The following NREP variants were observed in gnomAD, a reference collection of about 807,000 sequenced individuals.
NREP encodes the protein neuronal regeneration related protein.
A neutral mutation model predicts 8.6 loss-of-function variants in NREP; 5 were observed. The ratio of observed to expected loss-of-function variants is 0.58; its 90% CI spans 0.30 to 1.22. The LOEUF is 1.22. Ranked by LOEUF, NREP falls within the 50% of genes most tolerant of loss-of-function variation. NREP has a pLI of 0.07. For missense variants in NREP, 86 were observed against 82.5 expected, an observed-to-expected ratio of 1.04 and a Z score of -0.17; for synonymous variants, 27 against 28.0, an observed-to-expected ratio of 0.96 and a Z score of 0.11.
At chr5:111,937,258 AACACCCTAGAGTCCAGGGGTC>A (rs1447193177) in intron 2 of NREP, among the ~76,000 whole-genome samples, 1 of 152,130 alleles carries the variant, frequency 6.6e-6, no homozygotes, top group Non-Finnish European at 1.5e-5. Flanking sequence ...AGATAAGTGT[AACACCCTAGAGTCCAGGGGTC>A]ATAACTGTCT....
At chr5:111,798,077 T>C (rs1256400597) in intron 2 of NREP, among the ~76,000 whole-genome samples, 2 of 152,220 alleles carry the variant, frequency 1.3e-5, no homozygotes, top group Admixed American at 6.5e-5. Context: ...GTTTTTTCCC[T>C]AAATTTAATG....
chr5:111,856,325 A>AC (rs1245504441), intron 2 of NREP, among the ~76,000 whole-genome samples: 1 of 152,184 alleles, frequency 6.6e-6, no homozygotes. Flanking sequence ...CCTCTAAAGG[A>AC]CCCAATGTGT....
chr5:111,819,157 A>T (rs1163968878), intron 2 of NREP, among the ~76,000 whole-genome samples: 2 of 152,138 alleles, frequency 1.3e-5, no homozygotes, highest in Non-Finnish European at 2.9e-5. Flanking sequence ...TCAGTAGTTC[A>T]TATCTGTTCC....
chr5:111,816,216 G>C (rs1407505733), intron 2 of NREP, among the ~76,000 whole-genome samples: 1 of 152,156 alleles, frequency 6.6e-6, no homozygotes, highest in Non-Finnish European at 1.5e-5. Flanking sequence ...AACATACGCA[G>C]AGTGAATGCT....
chr5:111,768,245 T>C (rs984884433), intron 2 of NREP, among the ~76,000 whole-genome samples: 9 of 152,128 alleles, frequency 5.9e-5, no homozygotes, highest in African/African-American at 1.4e-4. Flanking sequence ...GGGTCAACAG[T>C]GGTAGCCTCA....
chr5:111,742,766 C>G (rs1749762653), intron 2 of NREP, among the ~76,000 whole-genome samples: 2 of 152,090 alleles, frequency 1.3e-5, no homozygotes, highest in African/African-American at 2.4e-5. Context: ...CAAACATTTA[C>G]GTTGTGCAAC....
At chr5:111,871,597 T>C (rs961119315) in intron 2 of NREP, among the ~76,000 whole-genome samples, 9 of 152,110 alleles carry the variant, frequency 5.9e-5, no homozygotes, top group Admixed American at 2.0e-4. Context: ...TATTGTAAGC[T>C]TAAAACACAA....
chr5:111,781,435 G>A (rs1024939744), intron 2 of NREP, among the ~76,000 whole-genome samples: 2 of 152,084 alleles, frequency 1.3e-5, no homozygotes, highest in African/African-American at 4.8e-5. Flanking sequence ...CTAAAAATGT[G>A]GGCAAGCAAA....
At chr5:111,781,278 T>C (rs1218442161) in intron 2 of NREP, among the ~76,000 whole-genome samples, 1 of 152,136 alleles carries the variant, frequency 6.6e-6, no homozygotes, top group African/African-American at 2.4e-5. Flanking sequence ...TAACATGGCT[T>C]CTGTCTGGCT....
chr5:111,856,355 T>C (rs747041328), intron 2 of NREP, among the ~76,000 whole-genome samples: 3 of 152,180 alleles, frequency 2.0e-5, no homozygotes, highest in Non-Finnish European at 4.4e-5. Context: ...CCTAATGCCC[T>C]TTCCACACAT....
chr5:111,961,186 G>A (rs1404169235), intron 2 of NREP, among the ~76,000 whole-genome samples: 1 of 152,184 alleles, frequency 6.6e-6, no homozygotes, highest in African/African-American at 2.4e-5. Context: ...TTCCCTGGCT[G>A]TCAGTCCACT....
intron 2 of NREP, among the ~76,000 whole-genome samples, chr5:111,900,810 A>C: frequency 6.6e-6 from 1 of 152,192 alleles, no homozygotes; most frequent in East Asian, 1.9e-4. Context: ...AAATGGCTTT[A>C]CTGCTGAATT....
chr5:111,757,671 C>G (rs1750818903), upstream of NREP: 1 of 983,660 alleles, frequency 1.0e-6, no homozygotes, highest in Non-Finnish European at 1.2e-6. Flanking sequence ...GCCGTCCCCA[C>G]TGCACCGCGC....
intron 2 of NREP, among the ~76,000 whole-genome samples, chr5:111,972,601 G>C (rs1482885052): frequency 6.6e-6 from 1 of 152,184 alleles, no homozygotes; most frequent in Admixed American, 6.5e-5. Context: ...ACAAGTCAAA[G>C]GGATGGGCTC....
Position 111,887,223 on chromosome 5 carries a change from G to A in NREP, c.135+88051C>T, listed in dbSNP as rs181101941. Among the ~76,000 whole-genome samples, 7 of 152,196 alleles carry A rather than the reference G, an allele frequency of 4.6e-5. No homozygotes were observed. The East Asian group carries it at 9.7e-4, about 21-fold the overall frequency. On this transcript the variant is annotated intron_variant, in intron 2 of 3. Transcript: ENST00000395634. Reference sequence around the variant, plus strand: ...ACAGGTGTAAACTACCATGCCCAGTGTACATAAACCTTTTAAACCCTCCGG... The same window carrying A: ...ACAGGTGTAAACTACCATGCCCAGTATACATAAACCTTTTAAACCCTCCGG...
intron 2 of NREP, among the ~76,000 whole-genome samples, chr5:111,905,414 T>C (rs1416742242): frequency 6.6e-6 from 1 of 152,158 alleles, no homozygotes; most frequent in Non-Finnish European, 1.5e-5. Flanking sequence ...TAAGTATTGA[T>C]TTTTAATTGT....
At chr5:111,957,238 T>C (rs992570802) in intron 2 of NREP, among the ~76,000 whole-genome samples, 5 of 151,962 alleles carry the variant, frequency 3.3e-5, no homozygotes, top group Admixed American at 2.0e-4. Context: ...TCAGTTATAA[T>C]TGTGATTTGA....
chr5:111,893,485 A>G (rs1387744350), intron 2 of NREP, among the ~76,000 whole-genome samples: 1 of 151,836 alleles, frequency 6.6e-6, no homozygotes. Context: ...GTTTCTGGTG[A>G]AACTTTTTTG....
chr5:111,893,603 T>C (rs565251730), intron 2 of NREP, among the ~76,000 whole-genome samples: 1 of 151,206 alleles, frequency 6.6e-6, no homozygotes, highest in South Asian at 2.1e-4. Flanking sequence ...GAAAAATACA[T>C]CTATCTTAAG....
Sources: allele counts gnomAD v4.1 joint callset (sites outside exome capture counted in the v4.1 genomes callset), GRCh38; gene constraint gnomAD v4.1.1; transcripts MANE v1.5; gene names NCBI Gene and HGNC (gene_info 2026-07-23, HGNC 2026-07-21).